NDUFAF2: variants seen among roughly 807,000 people sequenced by gnomAD.
NDUFAF2 encodes NADH dehydrogenase [ubiquinone] 1 alpha subcomplex assembly factor 2.
In NDUFAF2, 13 loss-of-function variants were observed where a neutral mutation model predicts 22.8. The ratio of observed to expected loss-of-function variants is 0.57; its 90% CI spans 0.37 to 0.91. The LOEUF is 0.91. NDUFAF2 is among the 40% of genes least tolerant of loss of function. NDUFAF2 has a pLI of 0.01. For missense variants in NDUFAF2, 162 were observed against 195.2 expected (o/e 0.83, Z 1.01); for synonymous variants, 53 against 64.2 (o/e 0.83, Z 0.84).
chr5:61,056,889 CAAAAAAAAAAAAAAAAAAAAAA>C (rs144850054), intron 1 of NDUFAF2, among the ~76,000 whole-genome samples: 1 of 46,800 alleles, frequency 2.1e-5, no homozygotes, highest in South Asian at 1.2e-3. Context: ...ACTCTGTCTC[CAAAAAAAAAAAAAAAAAAAAAA>C]AAAAAAAAAT....
intron 1 of NDUFAF2, among the ~76,000 whole-genome samples, chr5:60,977,654 TG>T (rs1261565702): frequency 6.6e-6 from 1 of 151,862 alleles, no homozygotes; most frequent in African/African-American, 2.4e-5. Flanking sequence ...CTGGTCAATA[TG>T]GTGAAACCCC....
intron 1 of NDUFAF2, among the ~76,000 whole-genome samples, chr5:61,056,721 C>T (rs1752095948): frequency 1.3e-5 from 2 of 150,950 alleles, no homozygotes; most frequent in Non-Finnish European, 3.0e-5. Context: ...AACCCCGTCT[C>T]TACTAAAAAT....
chr5:61,025,974 C>G (rs1751644434), intron 1 of NDUFAF2, among the ~76,000 whole-genome samples: 1 of 151,866 alleles, frequency 6.6e-6, no homozygotes, highest in Non-Finnish European at 1.5e-5. Flanking sequence ...AAAAAGTTAA[C>G]TCTTTAAATG....
intron 1 of NDUFAF2, among the ~76,000 whole-genome samples, chr5:61,027,811 C>A: frequency 6.6e-6 from 1 of 151,902 alleles, no homozygotes; most frequent in East Asian, 1.9e-4. Flanking sequence ...CCGATCAAAT[C>A]AATGTCTTTA....
intron 1 of NDUFAF2, among the ~76,000 whole-genome samples, chr5:60,991,946 C>T (rs1751163898): frequency 6.6e-6 from 1 of 152,186 alleles, no homozygotes; most frequent in African/African-American, 2.4e-5. Context: ...TCTCCACATC[C>T]TTGCCAGCGT....
intron 1 of NDUFAF2, among the ~76,000 whole-genome samples, chr5:61,049,150 T>C (rs935992578): frequency 4.6e-5 from 7 of 152,200 alleles, no homozygotes; most frequent in Non-Finnish European, 8.8e-5. Flanking sequence ...CTGGTAATTA[T>C]ATACTATTTG....
At chr5:61,062,652 G>A (rs2111716577) in intron 1 of NDUFAF2, among the ~76,000 whole-genome samples, 1 of 152,264 alleles carries the variant, frequency 6.6e-6, no homozygotes, top group African/African-American at 2.4e-5. Flanking sequence ...TGAAGTAATT[G>A]CTGAAAATTT....
At chr5:61,114,592 G>A (rs749331978) in intron 3 of NDUFAF2, 1 of 152,126 alleles carries the variant, frequency 6.6e-6, no homozygotes, top group Non-Finnish European at 1.5e-5. Context: ...TGATGCTTGT[G>A]GACATTCATC....
intron 3 of NDUFAF2, among the ~76,000 whole-genome samples, chr5:61,128,953 G>GA (rs1018092858): frequency 4.6e-5 from 7 of 151,800 alleles, no homozygotes; most frequent in African/African-American, 1.2e-4. Flanking sequence ...AAATTTACAA[G>GA]AAAAAAACAA....
At chr5:61,103,400 TC>T (rs1366890619) in intron 3 of NDUFAF2, among the ~76,000 whole-genome samples, 1 of 152,036 alleles carries the variant, frequency 6.6e-6, no homozygotes. Context: ...CACCTTTTTT[TC>T]CCTCAACTTC....
intron 1 of NDUFAF2, among the ~76,000 whole-genome samples, chr5:60,979,271 G>T (rs1357501350): frequency 6.6e-6 from 1 of 152,128 alleles, no homozygotes; most frequent in African/African-American, 2.4e-5. Context: ...TTTTCTACTT[G>T]AAAGGAGAGA....
At chr5:61,100,013 T>C (rs1752687526) in intron 3 of NDUFAF2, among the ~76,000 whole-genome samples, 1 of 152,188 alleles carries the variant, frequency 6.6e-6, no homozygotes, top group African/African-American at 2.4e-5. Flanking sequence ...AGGGTCTGAC[T>C]GAGTACATCT....
intron 3 of NDUFAF2, among the ~76,000 whole-genome samples, chr5:61,136,035 A>ATATATATATATATATG (rs1554018957): frequency 3.3e-5 from 3 of 89,802 alleles, no homozygotes; most frequent in African/African-American, 1.2e-4. Flanking sequence ...ATATATATAT[A>ATATATATATATATATG]TATATATCTA....
At chr5:60,986,593 C>CA (rs1010726931) in intron 1 of NDUFAF2, among the ~76,000 whole-genome samples, 14 of 151,316 alleles carry the variant, frequency 9.3e-5, no homozygotes, top group African/African-American at 1.7e-4. Context: ...TAGCAGAAGA[C>CA]AAAAAAAATA....
intron 1 of NDUFAF2, among the ~76,000 whole-genome samples, chr5:61,015,076 A>G (rs1179216301): frequency 6.6e-6 from 1 of 152,182 alleles, no homozygotes; most frequent in Non-Finnish European, 1.5e-5. Flanking sequence ...TCAAAGAACT[A>G]TCACAAGCAA....
chr5:61,148,635 G>A (rs1420370408), intron 3 of NDUFAF2, among the ~76,000 whole-genome samples: 1 of 152,156 alleles, frequency 6.6e-6, no homozygotes, highest in East Asian at 1.9e-4. Flanking sequence ...GAGACACAGG[G>A]AAGTTAAATA....
At chr5:60,948,371 C>A (rs1750493763) in intron 1 of NDUFAF2, among the ~76,000 whole-genome samples, 1 of 152,026 alleles carries the variant, frequency 6.6e-6, no homozygotes, top group Non-Finnish European at 1.5e-5. Flanking sequence ...TGCCACCCTG[C>A]CCAGTTAACT....
intron 3 of NDUFAF2, among the ~76,000 whole-genome samples, chr5:61,112,049 T>C (rs546129183): frequency 7.3e-5 from 11 of 151,682 alleles, no homozygotes; most frequent in Admixed American, 5.3e-4. Context: ...GAGCCATGGC[T>C]CCTGTCCTCC....
intron 3 of NDUFAF2, among the ~76,000 whole-genome samples, chr5:61,099,659 A>G (rs1316801188): frequency 6.6e-6 from 1 of 151,762 alleles, no homozygotes; most frequent in Non-Finnish European, 1.5e-5. Context: ...TAAAAATTAT[A>G]ATTTTAATTT....
Sources: gnomAD v4.1 joint callset for allele counts (sites outside exome capture counted in the v4.1 genomes callset) on GRCh38, gnomAD v4.1.1 for gene constraint, MANE v1.5 for transcripts, NCBI Gene and HGNC (gene_info 2026-07-23, HGNC 2026-07-21) for gene names.